Variants in SH3YL1 observed in about 807,000 individuals in gnomAD.
The protein encoded by SH3YL1 is SH3 and SYLF domain containing 1.
SH3YL1 carries 41 observed loss-of-function variants against 45.8 expected under a neutral mutation model. That is an observed-to-expected ratio of 0.89 (90% CI 0.70 to 1.16). SH3YL1 has a LOEUF of 1.16. Ranked by LOEUF, SH3YL1 falls within the 50% of genes most tolerant of loss-of-function variation. The probability of loss-of-function intolerance (pLI) is 0.00; values close to 1 mark genes in which losing one functional copy is unlikely to be tolerated. For missense variants in SH3YL1, 389 were observed against 409.6 expected (o/e 0.95, Z 0.43); for synonymous variants, 152 against 151.4 (o/e 1.00, Z -0.03).
chr2:254,062 T>A (rs1572177558), intron 1 of SH3YL1, among the ~76,000 whole-genome samples: 1 of 152,164 alleles, frequency 6.6e-6, no homozygotes, highest in East Asian at 1.9e-4. Context: ...CAATACTAAT[T>A]TAAAATAAGA....
chr2:246,581 G>A (rs1249203054), intron 4 of SH3YL1, among the ~76,000 whole-genome samples: 1 of 151,804 alleles, frequency 6.6e-6, no homozygotes, highest in Non-Finnish European at 1.5e-5. Context: ...CAGGGGACTG[G>A]GTGGAGGTGG....
chr2:226,599 G>A (rs1401083320), intron 8 of SH3YL1, among the ~76,000 whole-genome samples: 1 of 152,128 alleles, frequency 6.6e-6, no homozygotes, highest in Admixed American at 6.6e-5. Flanking sequence ...AAATGCACTT[G>A]GTGGGGAATG....
chr2:234,307 T>TA (rs1303421036), intron 4 of SH3YL1, 35 bp from the exon 5 acceptor site: 1 of 1,482,212 alleles, frequency 6.7e-7, no homozygotes, highest in Admixed American at 1.8e-5. Flanking sequence ...TAAAAATCGT[T>TA]AAGACTAAAT....
chr2:220,716 A>G (rs1667533301), intron 9 of SH3YL1, among the ~76,000 whole-genome samples: 1 of 152,232 alleles, frequency 6.6e-6, no homozygotes, highest in Non-Finnish European at 1.5e-5. Context: ...CATCCTGGAA[A>G]TCTCTTATTC....
intron 4 of SH3YL1, among the ~76,000 whole-genome samples, chr2:246,397 T>C (rs1395555281): frequency 1.3e-5 from 2 of 152,110 alleles, no homozygotes; most frequent in Non-Finnish European, 2.9e-5. Context: ...CTCTAATATA[T>C]TGAAATTTAA....
intron 1 of SH3YL1, chr2:262,544 G>A: frequency 7.7e-7 from 1 of 1,291,116 alleles, no homozygotes; most frequent in Non-Finnish European, 1.0e-6. Context: ...AGTAAAAAAT[G>A]GGATCTTCTC....
chr2:260,049 T>C (rs142119000), intron 1 of SH3YL1: 189 of 152,186 alleles, frequency 1.2e-3, no homozygotes, highest in African/African-American at 4.3e-3. Context: ...TATGAAAATA[T>C]GAAGGATAAA....
chr2:224,521 C>A (rs1386322082), intron 9 of SH3YL1, among the ~76,000 whole-genome samples: 1 of 152,182 alleles, frequency 6.6e-6, no homozygotes, highest in Non-Finnish European at 1.5e-5. Context: ...GATGCCATGG[C>A]TCCCGGGGCT....
chr2:258,880 T>G (rs1669470278), intron 1 of SH3YL1, among the ~76,000 whole-genome samples: 1 of 152,222 alleles, frequency 6.6e-6, no homozygotes, highest in African/African-American at 2.4e-5. Flanking sequence ...GCACTTAATA[T>G]TCAGCAGAAG....
In SH3YL1 at chr2:253,072, C is replaced by A; in HGVS notation, c.45G>T (p.Lys15Asn). The change falls in exon 2 of 10, where the codon AAG (lysine) becomes AAT (asparagine). Residue 15 changes from lysine to asparagine, a missense_variant. Physicochemically the swap from Lys to Asn is moderately conservative, Grantham distance 94 (BLOSUM62 0). Coordinates refer to ENST00000356150, the MANE Select transcript of SH3YL1 (RefSeq NM_015677.4). ...TGAATTCTCTTAATATTTTGGCAGC[C>A]TTTTTTGCTTCTGATTTCAAATTGG... ...IPSNLKSEAK[K>N]AAKILREFTE... 6.5e-7 allele frequency: 1 copy of A among 1,549,932 alleles called. No homozygotes were observed. Among genetic ancestry groups the A allele is most frequent in the Non-Finnish European group, 8.7e-7 (1 of 1,145,600 alleles).
chr2:260,162 C>T (rs1669527089), intron 1 of SH3YL1: 1 of 152,088 alleles, frequency 6.6e-6, no homozygotes, highest in South Asian at 2.1e-4. Flanking sequence ...CCACTTTTAG[C>T]TTTTATAGCC....
intron 4 of SH3YL1, among the ~76,000 whole-genome samples, chr2:247,294 A>G (rs1313515565): frequency 6.6e-6 from 1 of 152,246 alleles, no homozygotes; most frequent in Non-Finnish European, 1.5e-5. Context: ...ACAAATGTGC[A>G]TGAGACAGAA....
At chr2:222,552 G>C (rs1249647662) in intron 9 of SH3YL1, 1 of 152,240 alleles carries the variant, frequency 6.6e-6, no homozygotes, top group African/African-American at 2.4e-5. Context: ...CTATGGGATG[G>C]GTAAGAGGAC....
At chr2:253,739 C>A (rs1162272606) in intron 1 of SH3YL1, among the ~76,000 whole-genome samples, 1 of 152,166 alleles carries the variant, frequency 6.6e-6, no homozygotes, top group East Asian at 1.9e-4. Context: ...AATAAACTTG[C>A]TTTTACTTTA....
At position 249,790 on chromosome 2, in the gene SH3YL1, C is replaced by A. The variant is rs1307113798; in HGVS notation, c.167G>T (p.Gly56Val). ...GCCTCCTCTGGCAGTCACCAGGAAC[C>A]CGGCTTTGATCACAGACAGAATTGC... ...GLAILSVIKAGFLVTARGGSG... is the reference protein window; with the variant it reads ...GLAILSVIKAVFLVTARGGSG... The change falls in exon 3 of 10, where the codon GGG (glycine) becomes GTG (valine). Residue 56 changes from glycine to valine, a missense_variant. Physicochemically the swap from Gly to Val is moderately radical, Grantham distance 109 (BLOSUM62 -3). Coordinates refer to ENST00000356150, the MANE Select transcript of SH3YL1 (RefSeq NM_015677.4). 6.4e-6 allele frequency: 10 copies of A among 1,552,004 alleles called. No individual in the cohort carries two copies. Among genetic ancestry groups the A allele is most frequent in the Non-Finnish European group, 8.7e-6 (10 of 1,147,060 alleles).
intron 9 of SH3YL1, among the ~76,000 whole-genome samples, chr2:219,399 C>A (rs1399962690): frequency 1.3e-5 from 2 of 152,018 alleles, no homozygotes; most frequent in African/African-American, 4.8e-5. Flanking sequence ...TTACGTTTCC[C>A]CCTCATGAAT....
intron 9 of SH3YL1, among the ~76,000 whole-genome samples, chr2:220,343 T>A (rs1667518406): frequency 6.6e-6 from 1 of 152,094 alleles, no homozygotes; most frequent in Admixed American, 6.6e-5. Flanking sequence ...GCCATTTAGT[T>A]GAGTTCTAAA....
chr2:233,352 CTA>C, intron 5 of SH3YL1, 123 bp from the exon 6 acceptor site: 2 of 1,084,706 alleles, frequency 1.8e-6, no homozygotes, highest in Non-Finnish European at 2.4e-6. Flanking sequence ...TCAGCTGTTT[CTA>C]TGTTTTACTT....
At chr2:219,723 T>C (rs977637693) in intron 9 of SH3YL1, among the ~76,000 whole-genome samples, 3 of 152,164 alleles carry the variant, frequency 2.0e-5, no homozygotes, top group African/African-American at 7.2e-5. Flanking sequence ...GAGATTCAAC[T>C]TTAAAACCTG....
Sources: gnomAD v4.1 joint callset for allele counts (sites outside exome capture counted in the v4.1 genomes callset) on GRCh38, gnomAD v4.1.1 for gene constraint, MANE v1.5 for transcripts, NCBI Gene and HGNC (gene_info 2026-07-23, HGNC 2026-07-21) for gene names.